RSU1: variants seen among roughly 807,000 people sequenced by gnomAD.
The protein encoded by RSU1 is Ras suppressor protein 1, also known as rsu-1.
A neutral mutation model predicts 31.1 loss-of-function variants in RSU1; 26 were observed. The observed-to-expected ratio is 0.84, with a 90% CI of 0.61 to 1.16. The LOEUF (loss-of-function observed/expected upper bound fraction) is 1.16. RSU1 is among the 50% of genes most tolerant of loss of function. RSU1 has a pLI of 0.00. For missense variants in RSU1, 320 were observed against 339.1 expected (o/e 0.94, Z 0.44); for synonymous variants, 164 against 136.3 (o/e 1.20, Z -1.41).
At chr10:16,699,763 T>C (rs898993852) in intron 7 of RSU1, among the ~76,000 whole-genome samples, 1 of 152,198 alleles carries the variant, frequency 6.6e-6, no homozygotes, top group Non-Finnish European at 1.5e-5. Context: ...ACTCCTCAGT[T>C]GGAAGGCGCA....
chr10:16,749,518 A>G (rs1057072285), intron 7 of RSU1, among the ~76,000 whole-genome samples: 17 of 152,188 alleles, frequency 1.1e-4, no homozygotes, highest in African/African-American at 3.4e-4. Context: ...CACCCCCAGA[A>G]GCAAACCTGC....
chr10:16,620,124 G>A (rs890506548), intron 8 of RSU1, among the ~76,000 whole-genome samples: 5 of 152,146 alleles, frequency 3.3e-5, no homozygotes, highest in African/African-American at 1.2e-4. Flanking sequence ...GAATAGCAAT[G>A]TCAGTGGTGT....
At chr10:16,816,871 G>T (rs148717886) in intron 2 of RSU1, 102 bp downstream of exon 2, 1 of 801,150 alleles carries the variant, frequency 1.2e-6, no homozygotes, top group East Asian at 2.5e-5. Context: ...CAGGGGCTGG[G>T]GTCTAAACCA....
At chr10:16,649,113 T>C (rs530120289) in intron 8 of RSU1, among the ~76,000 whole-genome samples, 1 of 152,330 alleles carries the variant, frequency 6.6e-6, no homozygotes, top group Admixed American at 6.5e-5. Flanking sequence ...AACAATCTCA[T>C]CTTTATTTTA....
At chr10:16,741,134 T>C (rs538687952) in intron 7 of RSU1, among the ~76,000 whole-genome samples, 3 of 152,308 alleles carry the variant, frequency 2.0e-5, no homozygotes, top group Non-Finnish European at 2.9e-5. Flanking sequence ...TGAAATAGCA[T>C]TGAAAGTACA....
At chr10:16,697,049 A>G (rs1354490280) in intron 7 of RSU1, among the ~76,000 whole-genome samples, 1 of 152,146 alleles carries the variant, frequency 6.6e-6, no homozygotes. Context: ...TCCTGGAAAG[A>G]AGCCATCCCT....
intron 2 of RSU1, among the ~76,000 whole-genome samples, chr10:16,801,725 A>AT (rs1838158762): frequency 7.7e-6 from 1 of 129,302 alleles, no homozygotes; most frequent in Non-Finnish European, 1.6e-5. Flanking sequence ...TAGAAATCAA[A>AT]CGAAAGATAG....
At position 16,645,920 on chromosome 10, in the gene RSU1, GTGTATATA is replaced by G. The variant is rs1834542585; in HGVS notation, c.731+49095_731+49102del. 1.0e-3 allele frequency among the ~76,000 whole-genome samples: 21 copies of G among 20,028 alleles called. 6 individuals are homozygous for G. Among genetic ancestry groups the G allele is most frequent in the Admixed American group, 3.5e-3 (5 of 1,448 alleles). The allele number at this position is 20,028 out of a possible 152,430, so 13.1% of individuals were successfully genotyped here. ...TATATACACATATATGTATATATAT[GTGTATATA>G]CACATATGTGTATATATATGTGTAT... On this transcript the variant is annotated intron_variant, in intron 8 of 8. Coordinates refer to ENST00000345264, the MANE Select transcript of RSU1 (RefSeq NM_012425.4).
intron 8 of RSU1, among the ~76,000 whole-genome samples, chr10:16,603,122 C>T (rs1368415949): frequency 6.6e-6 from 1 of 152,138 alleles, no homozygotes; most frequent in Non-Finnish European, 1.5e-5. Context: ...TCACATTCTT[C>T]TCCATTATAA....
intron 7 of RSU1, among the ~76,000 whole-genome samples, chr10:16,744,495 G>C (rs1836810752): frequency 6.6e-6 from 1 of 152,194 alleles, no homozygotes; most frequent in Non-Finnish European, 1.5e-5. Context: ...CTTGCAGAGA[G>C]GTAGTTTAAG....
rs1371123035 is a variant in RSU1 at position 16,751,019 on chromosome 10, C to T, written c.598+1520G>A. 5.9e-5 allele frequency among the ~76,000 whole-genome samples: 9 copies of T among 152,224 alleles called. No individual in the cohort carries two copies. In the East Asian group the frequency reaches 1.7e-3, roughly 29 times the overall value. On this transcript the variant is annotated intron_variant, in intron 7 of 8. Transcript: ENST00000345264. ...TAGCTGGGACTACAGGCATGCACCA[C>T]CACGTCCAGCTAATTTTTTGTACTT...
chr10:16,701,664 C>T (rs546200251), intron 7 of RSU1, among the ~76,000 whole-genome samples: 2 of 152,242 alleles, frequency 1.3e-5, no homozygotes, highest in East Asian at 1.9e-4. Flanking sequence ...AACCACCACC[C>T]TACCAAATAG....
At chr10:16,611,221 G>T (rs1241675546) in intron 8 of RSU1, among the ~76,000 whole-genome samples, 4 of 152,126 alleles carry the variant, frequency 2.6e-5, no homozygotes, top group Admixed American at 6.5e-5. Flanking sequence ...GATCCTTCTC[G>T]AGTGGCCACA....
At chr10:16,646,015 T>C (rs533119316) in intron 8 of RSU1, among the ~76,000 whole-genome samples, 903 of 83,024 alleles carry the variant, frequency 0.011, 173 homozygotes, top group Non-Finnish European at 0.016. Context: ...TGTATATACA[T>C]ATATGTGTAT....
At chr10:16,716,390 C>T (rs1362362266) in intron 7 of RSU1, among the ~76,000 whole-genome samples, 2 of 152,092 alleles carry the variant, frequency 1.3e-5, no homozygotes, top group South Asian at 2.1e-4. Flanking sequence ...AGAGAAAAAG[C>T]CATGACTCAC....
At chr10:16,674,790 G>A (rs1835194531) in intron 8 of RSU1, among the ~76,000 whole-genome samples, 1 of 152,142 alleles carries the variant, frequency 6.6e-6, no homozygotes, top group Non-Finnish European at 1.5e-5. Context: ...CCAGCACTGT[G>A]GGAGGCCGAG....
chr10:16,596,422 C>T (rs745507952), intron 8 of RSU1, among the ~76,000 whole-genome samples: 1 of 152,194 alleles, frequency 6.6e-6, no homozygotes, highest in African/African-American at 2.4e-5. Context: ...TCTAACAGCA[C>T]CTGCCCTTGT....
chr10:16,718,520 G>T (rs957808115), intron 7 of RSU1, among the ~76,000 whole-genome samples: 1 of 152,122 alleles, frequency 6.6e-6, no homozygotes, highest in Non-Finnish European at 1.5e-5. Flanking sequence ...TGAACAAATG[G>T]TGTCCTCTAA....
intron 8 of RSU1, among the ~76,000 whole-genome samples, chr10:16,649,426 C>T (rs1458519871): frequency 6.6e-6 from 1 of 152,014 alleles, no homozygotes; most frequent in Non-Finnish European, 1.5e-5. Flanking sequence ...AATATTGTAC[C>T]TGACAGCTTT....
Sources: allele counts gnomAD v4.1 joint callset (sites outside exome capture counted in the v4.1 genomes callset), GRCh38; gene constraint gnomAD v4.1.1; transcripts MANE v1.5; gene names NCBI Gene and HGNC (gene_info 2026-07-23, HGNC 2026-07-21).